ZNF518A: variants seen among roughly 807,000 people sequenced by gnomAD.
ZNF518A encodes the protein zinc finger protein 518.
In ZNF518A, 47 loss-of-function variants were observed where a neutral mutation model predicts 102.7. That is an observed-to-expected ratio of 0.46 (90% CI 0.36 to 0.58). ZNF518A has a LOEUF of 0.58. ZNF518A is among the 20% of genes least tolerant of loss of function. ZNF518A has a pLI of 0.00. For missense variants in ZNF518A, 1,793 were observed against 1,699.8 expected, an observed-to-expected ratio of 1.05 and a Z score of -0.96; for synonymous variants, 652 against 594.6, an observed-to-expected ratio of 1.10 and a Z score of -1.40.
chr10:96,174,452 C>A (rs2083191476), intron 1 of ZNF518A, among the ~76,000 whole-genome samples: 1 of 151,908 alleles, frequency 6.6e-6, no homozygotes, highest in African/African-American at 2.4e-5. Flanking sequence ...ACTCAAATTA[C>A]TAAAAACAGA....
At chr10:96,148,879 C>A (rs1280940987) in intron 3 of ZNF518A, among the ~76,000 whole-genome samples, 1 of 152,148 alleles carries the variant, frequency 6.6e-6, no homozygotes, top group Non-Finnish European at 1.5e-5. Context: ...CCACACCCGG[C>A]TAATTTTTTG....
At position 96,157,916 on chromosome 10, in the gene ZNF518A, A is replaced by G; in HGVS notation, c.1594A>G (p.Thr532Ala). ...SGKASSEKEMTLISQRNNMLQ... is the reference protein window; with the variant it reads ...SGKASSEKEMALISQRNNMLQ... ...GAAAGCAAGTTCAGAAAAAGAAATG[A>G]CTTTGATATCTCAAAGGAATAATAT... Residue 532 changes from threonine (T) to alanine (A), a missense_variant, in exon 6 of 6, where the codon ACT becomes GCT. Physicochemically the swap from Thr to Ala is moderately conservative, Grantham distance 58. Around this residue, in one of 3 missense-constraint regions of ZNF518A, gnomAD observed 1,741 missense variants for 1,622.6 expected, o/e 1.07. Transcript: ENST00000316045. 1 of 1,613,842 alleles carries G rather than the reference A, an allele frequency of 6.2e-7. No homozygotes were observed. Among genetic ancestry groups the G allele is most frequent in the Non-Finnish European group, 8.5e-7 (1 of 1,179,758 alleles).
intron 3 of ZNF518A, among the ~76,000 whole-genome samples, chr10:96,145,828 A>G (rs755361679): frequency 3.3e-5 from 5 of 152,248 alleles, no homozygotes; most frequent in Non-Finnish European, 7.3e-5. Context: ...AAGTTTCATA[A>G]AATTGCAGTC....
rs1341407969 is a variant in ZNF518A at position 96,157,835 on chromosome 10, A to G, written c.1513A>G (p.Thr505Ala). The G allele has an allele frequency of 2.5e-6, 4 of 1,613,794 alleles. No homozygotes were observed. The African/African-American group carries it at 5.3e-5, about 22-fold the overall frequency. ...AGGAGTAACAACTGAGTTAAATGAC[A>G]CAGTTTATATGAAAGCAGCTACTCC... ...LTGVTTELND[T>A]VYMKAATPFS... is the part of the protein sequence containing the mutation. Residue 505 changes from threonine to alanine, a missense_variant, in exon 6 of 6, where the codon ACA (threonine) becomes GCA (alanine). By Grantham distance (58) the Thr-to-Ala change is moderately conservative. Transcript: ENST00000316045.
At chr10:96,181,324 T>A (rs2083238960) in intron 1 of ZNF518A, among the ~76,000 whole-genome samples, 1 of 152,204 alleles carries the variant, frequency 6.6e-6, no homozygotes. Context: ...TAGTTTCTTT[T>A]GCTGTGCAGA....
chr10:96,157,089 A>G lies in ZNF518A; in HGVS notation c.767A>G (p.His256Arg). The change falls in exon 6 of 6, where the codon CAT (histidine) becomes CGT (arginine). Residue 256 changes from histidine to arginine, a missense_variant. His to Arg is a conservative substitution (Grantham distance 29). Transcript: ENST00000316045. The part of the protein sequence containing the change: ...KGELQKHLHI[H>R]SGTFPFTCQY... ...GAGCTTCAGAAGCACCTTCATATTC[A>G]TTCTGGTACTTTTCCCTTCACTTGT... 2 of 1,613,776 alleles carry G rather than the reference A, an allele frequency of 1.2e-6. No individual in the cohort carries two copies. Among genetic ancestry groups the G allele is most frequent in the South Asian group, 1.1e-5 (1 of 91,050 alleles).
Position 96,178,253 on chromosome 10 carries a change from T to C in ZNF518A, n.35+22206T>C, listed in dbSNP as rs36115347. Among the ~76,000 whole-genome samples, 709 of 152,232 alleles carry C rather than the reference T, an allele frequency of 4.7e-3. 3 individuals are homozygous for C. Among genetic ancestry groups the C allele is most frequent in the Admixed American group, 6.9e-3 (106 of 15,298 alleles). On this transcript the variant is annotated intron_variant and non_coding_transcript_variant, in intron 1 of 2. Transcript: ENST00000442635. The stretch of plus-strand genomic sequence containing the variant: ...TTAAAAGGATTGAATTCATGCAGAG[T>C]ATGTTATATCCTTAACAGAATTCAA...
intron 1 of ZNF518A, among the ~76,000 whole-genome samples, chr10:96,173,752 C>T (rs1564801086): frequency 6.6e-6 from 1 of 152,044 alleles, no homozygotes; most frequent in Admixed American, 6.6e-5. Context: ...AAATAGAAAA[C>T]TTGAACAGCA....
intron 1 of ZNF518A, chr10:96,189,307 T>C (rs1336097730): frequency 4.2e-6 from 2 of 478,186 alleles, no homozygotes; most frequent in Non-Finnish European, 8.0e-6. Flanking sequence ...ATATTGACTG[T>C]TAGAGAAATG....
At chr10:96,198,538 G>A (rs587751415) in intron 1 of ZNF518A, among the ~76,000 whole-genome samples, 5 of 152,306 alleles carry the variant, frequency 3.3e-5, no homozygotes, top group African/African-American at 1.2e-4. Context: ...AAATTACATA[G>A]AAGGGCAAGA....
intron 3 of ZNF518A, among the ~76,000 whole-genome samples, chr10:96,146,358 A>G (rs946280012): frequency 4.6e-5 from 7 of 152,148 alleles, no homozygotes; most frequent in Admixed American, 3.3e-4. Flanking sequence ...TTATGTATGT[A>G]TTGCAAACTG....
Position 96,159,964 on chromosome 10 carries a change from C to T in ZNF518A, c.3642C>T (p.Cys1214=), listed in dbSNP as rs781824185. Residue 1214 remains cysteine (C), a synonymous_variant, in exon 6 of 6, where the codon TGC becomes TGT. Coordinates refer to ENST00000316045, the MANE Select transcript of ZNF518A (RefSeq NM_001330736.2). ...NEIVITSTAT[C]PESSEEPICV... is the part of the protein sequence containing the mutation. ...TTGTGATAACTTCTACTGCAACATG[C>T]CCAGAATCTTCTGAGGAACCAATAT... is the stretch of plus-strand genomic sequence containing the variant. 2 of 1,613,418 alleles carry T rather than the reference C, an allele frequency of 1.2e-6. No individual in the cohort carries two copies. Among genetic ancestry groups the T allele is most frequent in the Admixed American group, 1.7e-5 (1 of 59,954 alleles).
intron 1 of ZNF518A, among the ~76,000 whole-genome samples, chr10:96,186,587 G>A (rs1308578754): frequency 2.6e-5 from 4 of 152,064 alleles, no homozygotes; most frequent in South Asian, 2.1e-4. Flanking sequence ...TAGTAGAGAC[G>A]GGGTTTCACC....
chr10:96,141,194 C>A (rs1293672200), intron 3 of ZNF518A, among the ~76,000 whole-genome samples: 1 of 152,162 alleles, frequency 6.6e-6, no homozygotes, highest in South Asian at 2.1e-4. Context: ...GTAAAACTTG[C>A]ATTTAGGAAG....
intron 1 of ZNF518A, among the ~76,000 whole-genome samples, chr10:96,191,241 T>C (rs2133905898): frequency 6.6e-6 from 1 of 151,340 alleles, no homozygotes; most frequent in Non-Finnish European, 1.5e-5. Context: ...ACCTCTTTTT[T>C]TTTTTTTTTT....
chr10:96,196,735 T>C (rs1200681732), intron 1 of ZNF518A, among the ~76,000 whole-genome samples: 1 of 152,244 alleles, frequency 6.6e-6, no homozygotes, highest in Admixed American at 6.5e-5. Flanking sequence ...TGTGTTCTTA[T>C]AGGATATACT....
chr10:96,150,866 C>A (rs1204235993), intron 3 of ZNF518A, among the ~76,000 whole-genome samples: 1 of 145,704 alleles, frequency 6.9e-6, no homozygotes, highest in Non-Finnish European at 1.5e-5. Flanking sequence ...AATTCTTGAG[C>A]CTCAGCCTCC....
chr10:96,158,044 T>C lies in ZNF518A; in HGVS notation c.1722T>C (p.Asp574=). 6.2e-7 allele frequency: 1 copy of C among 1,613,790 alleles called. No homozygotes were observed. Among genetic ancestry groups the C allele is most frequent in the Admixed American group, 1.7e-5 (1 of 59,970 alleles). Residue 574 remains aspartate (D), a synonymous_variant, in exon 6 of 6, where the codon GAT becomes GAC. Coordinates refer to ENST00000316045, the MANE Select transcript of ZNF518A (RefSeq NM_001330736.2). The part of the protein sequence containing the change: ...VNLTTKFETR[D]NVDFWGNHLT... ...TGACCACAAAATTTGAAACAAGAGA[T>C]AATGTTGACTTCTGGGGAAATCATC...
intron 1 of ZNF518A, among the ~76,000 whole-genome samples, chr10:96,189,095 C>A (rs2083291218): frequency 6.6e-6 from 1 of 152,154 alleles, no homozygotes; most frequent in African/African-American, 2.4e-5. Flanking sequence ...GTCTCCCCAC[C>A]ATTTCCATGT....
Sources: gnomAD v4.1 joint callset for allele counts (sites outside exome capture counted in the v4.1 genomes callset) on GRCh38, gnomAD v4.1.1 for gene constraint, gnomAD v4.1.1 regional missense constraint, MANE v1.5 for transcripts, NCBI Gene and HGNC (gene_info 2026-07-23, HGNC 2026-07-21) for gene names.